The following DCHS2 variants were observed in gnomAD, a reference collection of about 807,000 sequenced individuals.
DCHS2 encodes dachsous cadherin-related 2.
DCHS2 carries 142 observed loss-of-function variants against 182.4 expected under a neutral mutation model. The observed-to-expected ratio is 0.78, with a 90% confidence interval of 0.68 to 0.89. The LOEUF is 0.89. Among genes scored for constraint, DCHS2 ranks in the 40% least tolerant of loss-of-function variants. The pLI, the probability that DCHS2 is intolerant of heterozygous loss-of-function variation, is 0.00. For synonymous variants in DCHS2, 1,740 were observed against 1,663.3 expected, an observed-to-expected ratio of 1.05 and a Z score of -1.12; for missense variants, 4,319 against 4,198.6, an observed-to-expected ratio of 1.03 and a Z score of -0.79.
chr4:154,304,174 A>G (rs1244286384), intron 12 of DCHS2, among the ~76,000 whole-genome samples: 2 of 151,938 alleles, frequency 1.3e-5, no homozygotes, highest in Non-Finnish European at 2.9e-5. Flanking sequence ...ATGACCCAGT[A>G]AGAATCTGTC....
chr4:154,397,916 C>A (rs1029373781), intron 1 of DCHS2, among the ~76,000 whole-genome samples: 1 of 152,116 alleles, frequency 6.6e-6, no homozygotes. Context: ...ATCTGCTCAT[C>A]TCTGTGTTGG....
In DCHS2 at chr4:154,320,815, C is replaced by A. The variant is rs1181943938; in HGVS notation, c.4584G>T (p.Leu1528=). The A allele has an allele frequency of 1.9e-6, 3 of 1,613,898 alleles. No individual in the cohort carries two copies. Among genetic ancestry groups the A allele is most frequent in the African/African-American group, 1.3e-5 (1 of 74,890 alleles). Residue 1528 remains leucine (L), a synonymous_variant, in exon 9 of 20, where the codon CTG becomes CTT. Coordinates refer to ENST00000357232, the MANE Select transcript of DCHS2 (RefSeq NM_001358235.2). ...SVEENVPIGT[L]VYVFNAKDDD... Reference sequence around the variant, plus strand: ...CATCTTTGGCATTGAAGACATACACCAGGGTTCCTATGGGAACATTCTCCT... The same window carrying A: ...CATCTTTGGCATTGAAGACATACACAAGGGTTCCTATGGGAACATTCTCCT...
chr4:154,464,648 T>C (rs1323765548), intron 1 of DCHS2, among the ~76,000 whole-genome samples: 1 of 152,158 alleles, frequency 6.6e-6, no homozygotes, highest in Non-Finnish European at 1.5e-5. Context: ...GAAAGGAGTC[T>C]AGGTAAATAC....
intron 2 of DCHS2, among the ~76,000 whole-genome samples, chr4:154,372,078 T>C (rs2110789429): frequency 6.6e-6 from 1 of 152,078 alleles, no homozygotes; most frequent in Middle Eastern, 3.4e-3. Flanking sequence ...CTTTTAGAGA[T>C]TAGAAGGAGG....
chr4:154,366,420 A>C lies in DCHS2; in HGVS notation c.2266T>G (p.Phe756Val). The change falls in exon 3 of 20, where the codon TTT (phenylalanine) becomes GTT (valine). Residue 756 changes from phenylalanine to valine, a missense_variant. Coordinates refer to ENST00000357232, the MANE Select transcript of DCHS2 (RefSeq NM_001358235.2). The part of the protein sequence containing the change: ...KDGGGLSAQA[F>V]VRVDLEDVND... ...ACGTCCTCCAGGTCCACACGAACAA[A>C]GGCTTGGGCACTTAGCCCACCCTGG... is the stretch of plus-strand genomic sequence containing the variant. 6.2e-7 allele frequency: 1 copy of C among 1,613,468 alleles called. No homozygotes were observed. Among genetic ancestry groups the C allele is most frequent in the Non-Finnish European group, 8.5e-7 (1 of 1,179,736 alleles).
intron 1 of DCHS2, among the ~76,000 whole-genome samples, chr4:154,464,481 T>C (rs1220566278): frequency 6.6e-6 from 1 of 152,154 alleles, no homozygotes; most frequent in Non-Finnish European, 1.5e-5. Flanking sequence ...ATAAAGTCCA[T>C]TTATATGTTT....
chr4:154,465,040 T>C (rs190955373), intron 1 of DCHS2, among the ~76,000 whole-genome samples: 219 of 152,324 alleles, frequency 1.4e-3, no homozygotes, highest in African/African-American at 4.9e-3. Context: ...GCATTAGTTA[T>C]CAGTTGCTGC....
At chr4:154,431,020 T>TCTTTCAAACATCTCAATTATTCTTAG (rs1273701132) in intron 1 of DCHS2, among the ~76,000 whole-genome samples, 1 of 152,206 alleles carries the variant, frequency 6.6e-6, no homozygotes, top group Non-Finnish European at 1.5e-5. Flanking sequence ...ACCTTGTCCT[T>TCTTTCAAACATCTCAATTATTCTTAG]CTTTCAAACA....
chr4:154,368,806 C>A (rs887408580), intron 2 of DCHS2, among the ~76,000 whole-genome samples: 2 of 152,100 alleles, frequency 1.3e-5, no homozygotes, highest in African/African-American at 4.8e-5. Context: ...GCCAACAATA[C>A]ATTTTTGTTG....
chr4:154,273,679 T>TA (rs1733700260), intron 13 of DCHS2, among the ~76,000 whole-genome samples: 1 of 152,064 alleles, frequency 6.6e-6, no homozygotes, highest in East Asian at 1.9e-4. Context: ...ATGTATATTC[T>TA]AAAAAATAAA....
intron 1 of DCHS2, among the ~76,000 whole-genome samples, chr4:154,414,703 C>T (rs983439954): frequency 1.3e-5 from 2 of 152,036 alleles, no homozygotes; most frequent in Admixed American, 1.3e-4. Flanking sequence ...TTAATACCCA[C>T]CAAGATGGGG....
intron 1 of DCHS2, among the ~76,000 whole-genome samples, chr4:154,438,410 T>C (rs191747364): frequency 3.2e-3 from 483 of 152,346 alleles, no homozygotes; most frequent in Non-Finnish European, 5.0e-3. Context: ...AACAGTTCGC[T>C]ATTTTCATTA....
At chr4:154,476,440 C>T (rs1202504255) in intron 1 of DCHS2, among the ~76,000 whole-genome samples, 1 of 152,170 alleles carries the variant, frequency 6.6e-6, no homozygotes, top group Non-Finnish European at 1.5e-5. Flanking sequence ...AATTGTCTTA[C>T]TGTTGTGTAA....
In DCHS2 at chr4:154,231,867, T is replaced by C. The variant is rs1202441214; in HGVS notation, c.*2669A>G. ...TTTTTAAAAGAGTTAAATGATCAAA[T>C]CCCTAAAGATACAGCATTTTTCTTT... On this transcript the variant is annotated 3_prime_UTR_variant, in exon 20 of 20. Coordinates refer to ENST00000357232, the MANE Select transcript of DCHS2 (RefSeq NM_001358235.2). 2.0e-5 allele frequency: 3 copies of C among 152,074 alleles called. No homozygotes were observed. The highest frequency in any genetic ancestry group is 7.2e-5 in the African/African-American group (3 of 41,410). 9.4% of individuals were successfully genotyped at this position (152,074 alleles called of 1,614,324 possible). A position where few individuals can be genotyped will look rare whatever the true frequency, so the allele number is the denominator to read the frequency against.
intron 15 of DCHS2, 130 bp from the exon 16 acceptor site, chr4:154,255,800 A>T: frequency 7.4e-7 from 1 of 1,345,042 alleles, no homozygotes; most frequent in Non-Finnish European, 9.7e-7. Flanking sequence ...GATGAAATGA[A>T]ATACCAACAG....
Position 154,236,212 on chromosome 4 carries a change from G to A in DCHS2, c.8440C>T (p.Leu2814Phe). The A allele has an allele frequency of 1.2e-6, 2 of 1,613,962 alleles. No homozygotes were observed. The highest frequency in any genetic ancestry group is 1.7e-6 in the Non-Finnish European group (2 of 1,179,954). ...LTYSIVSPCF[L>F]THGMSYDHDL... ...TGATCATAAGACATTCCATGAGTGAGAAAACAGGGTGATACAATAGAATAG... is the reference window on the plus strand; with the variant it reads ...TGATCATAAGACATTCCATGAGTGAAAAAACAGGGTGATACAATAGAATAG... The change falls in exon 20 of 20, where the codon CTC becomes TTC. Residue 2814 changes from leucine to phenylalanine, a missense_variant. Physicochemically the swap from Leu to Phe is conservative, Grantham distance 22 (BLOSUM62 0). Transcript: ENST00000357232.
chr4:154,394,930 T>A (rs1213184052), intron 1 of DCHS2, among the ~76,000 whole-genome samples: 2 of 152,116 alleles, frequency 1.3e-5, no homozygotes, highest in Non-Finnish European at 2.9e-5. Context: ...CCAATTACAA[T>A]TCACTCCAAG....
chr4:154,381,488 C>T (rs1731166667), intron 1 of DCHS2, among the ~76,000 whole-genome samples: 4 of 151,904 alleles, frequency 2.6e-5, no homozygotes, highest in Admixed American at 6.6e-5. Context: ...GGAAAAGAAG[C>T]CAAACTATCT....
chr4:154,268,046 A>G (rs1032173133), intron 14 of DCHS2, among the ~76,000 whole-genome samples: 1 of 152,158 alleles, frequency 6.6e-6, no homozygotes, highest in Non-Finnish European at 1.5e-5. Context: ...TTAACTAAGC[A>G]TTTGCCATGC....
Sources: allele counts gnomAD v4.1 joint callset (sites outside exome capture counted in the v4.1 genomes callset), GRCh38; gene constraint gnomAD v4.1.1; transcripts MANE v1.5; gene names NCBI Gene and HGNC (gene_info 2026-07-23, HGNC 2026-07-21).